RIPOR3: variants seen among roughly 807,000 people sequenced by gnomAD.
The protein encoded by RIPOR3 is family with sequence similarity 65 member C.
A neutral mutation model predicts 114.3 loss-of-function variants in RIPOR3; 95 were observed. The ratio of observed to expected loss-of-function variants is 0.83; its 90% CI spans 0.70 to 0.99. The LOEUF is 0.99. Among genes scored for constraint, RIPOR3 ranks in the 50% least tolerant of loss-of-function variants. RIPOR3 has a pLI of 0.00. For missense variants in RIPOR3, 1,252 were observed against 1,266.9 expected, an observed-to-expected ratio of 0.99 and a Z score of 0.18; for synonymous variants, 575 against 543.8, an observed-to-expected ratio of 1.06 and a Z score of -0.80.
chr20:50,627,637 C>T (rs1004984417), intron 2 of RIPOR3, among the ~76,000 whole-genome samples: 2 of 151,412 alleles, frequency 1.3e-5, no homozygotes, highest in Admixed American at 6.6e-5. Context: ...GAGCCAAGAT[C>T]GCGCCATTGC....
intron 1 of RIPOR3, among the ~76,000 whole-genome samples, chr20:50,640,572 A>T (rs1409770475): frequency 3.3e-5 from 5 of 149,682 alleles, no homozygotes; most frequent in African/African-American, 1.3e-4. Flanking sequence ...TCGGCCAACC[A>T]CTGGTCACTG....
Position 50,595,492 on chromosome 20 carries a change from G to A in RIPOR3, c.1927C>T (p.Pro643Ser), listed in dbSNP as rs367600299. Residue 643 changes from proline (P) to serine (S), a missense_variant, in exon 16 of 22, where the codon CCT (proline) becomes TCT (serine). Physicochemically the swap from Pro to Ser is moderately conservative, Grantham distance 74. Coordinates refer to ENST00000327979, the MANE Select transcript of RIPOR3 (RefSeq NM_001290268.2). ...CKALLQKLAS[P>S]NLSRLVQECL... ...TCCTGGACCAGCCTTGATAAATTAG[G>A]GGAGGCCAGTTTCTGGGAAGCAGCC... 44 of 1,613,860 alleles carry A rather than the reference G, an allele frequency of 2.7e-5. No individual in the cohort carries two copies. In the Middle Eastern group the frequency reaches 6.6e-4, roughly 24 times the overall value.
intron 1 of RIPOR3, among the ~76,000 whole-genome samples, chr20:50,641,633 G>C (rs1343581871): frequency 6.6e-6 from 1 of 152,176 alleles, no homozygotes; most frequent in Non-Finnish European, 1.5e-5. Context: ...ACCCCTTCCA[G>C]CCATCCTGGG....
intron 1 of RIPOR3, among the ~76,000 whole-genome samples, chr20:50,666,809 C>T (rs368799296): frequency 6.6e-6 from 1 of 151,956 alleles, no homozygotes; most frequent in South Asian, 2.1e-4. Flanking sequence ...GATCCACTGC[C>T]TTAGTCTCCC....
rs771961591 is a variant in RIPOR3, at chr20:50,594,629, G to A, written c.2136C>T (p.Ala712=). The change falls in exon 17 of 22, where the codon GCC becomes GCT. Residue 712 remains alanine (A), a synonymous_variant. Coordinates refer to ENST00000327979, the MANE Select transcript of RIPOR3 (RefSeq NM_001290268.2). ...TCTTGAGCTGGTTCAGCAGCGTCGT[G>A]GCAGGGCAGGACAGGACCCTGCCAG... ...TGPGRVLSCP[A]TTLLNQLKKT... 5.6e-6 allele frequency: 9 copies of A among 1,613,894 alleles called. No individual in the cohort carries two copies. In the South Asian group the frequency reaches 7.7e-5, roughly 14 times the overall value.
chr20:50,656,573 C>T (rs1478894182), intron 1 of RIPOR3, among the ~76,000 whole-genome samples: 1 of 152,104 alleles, frequency 6.6e-6, no homozygotes, highest in Non-Finnish European at 1.5e-5. Flanking sequence ...GTTGCCCAGG[C>T]TGGCCTCAAA....
intron 1 of RIPOR3, among the ~76,000 whole-genome samples, chr20:50,637,854 G>A (rs2085045939): frequency 6.6e-6 from 1 of 151,972 alleles, no homozygotes; most frequent in African/African-American, 2.4e-5. Context: ...CAGCCTGGGT[G>A]ATAAAGCAAG....
At chr20:50,668,861 A>G (rs1028938915) in intron 1 of RIPOR3, among the ~76,000 whole-genome samples, 1 of 152,112 alleles carries the variant, frequency 6.6e-6, no homozygotes, top group African/African-American at 2.4e-5. Flanking sequence ...CATCTCAAAA[A>G]AAAAAAAAAA....
At chr20:50,652,125 A>C (rs189280360) in intron 1 of RIPOR3, among the ~76,000 whole-genome samples, 3 of 152,168 alleles carry the variant, frequency 2.0e-5, no homozygotes. Context: ...CTTGATCTAC[A>C]TGAAGCCTGA....
rs528225746 is a variant in RIPOR3 at position 50,624,680 on chromosome 20, C to T, written c.123-4548G>A. On this transcript the variant is annotated intron_variant, in intron 2 of 21. Transcript: ENST00000327979. ...GAGCCTCTGGGGCCGGATGTTTCAC[C>T]AGGTCTGGGAGGACTCAGTAAATAT... is the stretch of plus-strand genomic sequence containing the variant. Among the ~76,000 whole-genome samples, 78 of 152,342 alleles carry T rather than the reference C, an allele frequency of 5.1e-4. 1 individual carries two copies. The highest frequency in any genetic ancestry group is 1.8e-3 in the African/African-American group (76 of 41,586).
At chr20:50,663,708 A>G (rs2123469529) in intron 1 of RIPOR3, among the ~76,000 whole-genome samples, 1 of 152,242 alleles carries the variant, frequency 6.6e-6, no homozygotes, top group South Asian at 2.1e-4. Flanking sequence ...AGCTGGCAGA[A>G]TAATGGCCAC....
intron 13 of RIPOR3, among the ~76,000 whole-genome samples, chr20:50,598,050 G>A (rs2083361532): frequency 6.6e-6 from 1 of 152,364 alleles, no homozygotes; most frequent in Non-Finnish European, 1.5e-5. Context: ...CAGGAGCGCA[G>A]GTGCCTCCCC....
At chr20:50,642,534 G>A (rs1600664019) in intron 1 of RIPOR3, among the ~76,000 whole-genome samples, 1 of 151,868 alleles carries the variant, frequency 6.6e-6, no homozygotes, top group East Asian at 1.9e-4. Context: ...TAATTCCCTG[G>A]GGGAGAAGCT....
In RIPOR3 at chr20:50,593,077, C is replaced by T. The variant is rs781035325; in HGVS notation, c.2332G>A (p.Val778Ile). Residue 778 changes from valine to isoleucine, a missense_variant, in exon 18 of 22, where the codon GTC becomes ATC. Transcript: ENST00000327979. ...GTGAAGTGCTTCTCCAGGTCAGAGA[C>T]GCTCTGCCTCTGCAGGTAGCTGTGA... Reference protein sequence around the residue: ...QFHSYLQRQSVSDLEKHFTQL... With the variant: ...QFHSYLQRQSISDLEKHFTQL... 6.5e-5 allele frequency: 105 copies of T among 1,614,034 alleles called. No individual in the cohort carries two copies. The highest frequency in any genetic ancestry group is 1.1e-4 in the African/African-American group (8 of 74,942).
chr20:50,627,560 G>A (rs2084665480), intron 2 of RIPOR3, among the ~76,000 whole-genome samples: 1 of 151,350 alleles, frequency 6.6e-6, no homozygotes, highest in Non-Finnish European at 1.5e-5. Context: ...GCACGCTCCT[G>A]TAATCCCAGC....
At chr20:50,639,290 G>A (rs902409209) in intron 1 of RIPOR3, among the ~76,000 whole-genome samples, 2 of 151,700 alleles carry the variant, frequency 1.3e-5, no homozygotes, top group Non-Finnish European at 2.9e-5. Context: ...TACCCAACAC[G>A]GCTACAGGAC....
chr20:50,624,082 C>T lies in RIPOR3; in HGVS notation c.123-3950G>A, dbSNP rs554387063. ...GAACTCCTGACCTCAGGTGATCTGC[C>T]CGCCTTGGCCTCCCAAAGTACTGGG... On this transcript the variant is annotated intron_variant, in intron 2 of 21. Coordinates refer to ENST00000327979, the MANE Select transcript of RIPOR3 (RefSeq NM_001290268.2). Among the ~76,000 whole-genome samples the T allele has an allele frequency of 2.0e-5, 3 of 152,322 alleles. No homozygotes were observed. In the East Asian group the frequency reaches 5.8e-4, roughly 29 times the overall value.
In RIPOR3 at chr20:50,602,305, A is replaced by G. The variant is rs772538647; in HGVS notation, c.1426T>C (p.Leu476=). Residue 476 remains leucine (L), a synonymous_variant, in exon 13 of 22, where the codon TTA becomes CTA. Coordinates refer to ENST00000327979, the MANE Select transcript of RIPOR3 (RefSeq NM_001290268.2). This position sits in a 1 kb window ranked among gnomAD's most constrained non-coding sequence, Gnocchi z 4.3. ...PFAEQPGWRN[L]GGESPSLPQG... is the part of the protein sequence containing the mutation. ...GGCAGGCTGGGGCTCTCCCCTCCTAAGTTCCTCCAGCCAGGCTGCTCTGCA... is the reference window on the plus strand; with the variant it reads ...GGCAGGCTGGGGCTCTCCCCTCCTAGGTTCCTCCAGCCAGGCTGCTCTGCA... 20 of 1,613,714 alleles carry G rather than the reference A, an allele frequency of 1.2e-5. No homozygotes were observed. The South Asian group carries it at 2.2e-4, about 18-fold the overall frequency.
intron 2 of RIPOR3, among the ~76,000 whole-genome samples, chr20:50,621,822 G>C (rs1317427183): frequency 6.6e-6 from 1 of 152,194 alleles, no homozygotes; most frequent in African/African-American, 2.4e-5. Flanking sequence ...TAAGCCAGCT[G>C]GAGTTGGGAG....
Sources: gnomAD v4.1 joint callset for allele counts (sites outside exome capture counted in the v4.1 genomes callset) on GRCh38, gnomAD v4.1.1 for gene constraint, Gnocchi (gnomAD v3.1) non-coding constraint, MANE v1.5 for transcripts, NCBI Gene and HGNC (gene_info 2026-07-23, HGNC 2026-07-21) for gene names.